Variants in PLCE1 observed in about 807,000 individuals in gnomAD.
PLCE1 encodes the protein phospholipase C epsilon 1, also known as 1-phosphatidylinositol 4,5-bisphosphate phosphodiesterase epsilon-1.
In PLCE1, 119 loss-of-function variants were observed where a neutral mutation model predicts 242.8. That is an observed-to-expected ratio of 0.49 (90% CI 0.42 to 0.57). The LOEUF is 0.57. Among genes scored for constraint, PLCE1 ranks in the 20% least tolerant of loss-of-function variants. PLCE1 has a pLI of 0.00. For missense variants in PLCE1, 2,441 were observed against 2,788.8 expected, an observed-to-expected ratio of 0.88 and a Z score of 2.81; for synonymous variants, 945 against 1,017.4, an observed-to-expected ratio of 0.93 and a Z score of 1.35.
intron 1 of PLCE1, among the ~76,000 whole-genome samples, chr10:94,022,545 A>G (rs967981823): frequency 6.6e-6 from 1 of 152,074 alleles, no homozygotes; most frequent in Non-Finnish European, 1.5e-5. Flanking sequence ...TAACTATATT[A>G]TAGAGTAGAA....
chr10:94,123,964 G>A (rs1408673247), intron 2 of PLCE1, among the ~76,000 whole-genome samples: 5 of 152,172 alleles, frequency 3.3e-5, no homozygotes, highest in Admixed American at 6.5e-5. Flanking sequence ...TCACTAATGC[G>A]AAATGGCAGC....
At chr10:94,189,755 T>G (rs1481809017) in intron 4 of PLCE1, among the ~76,000 whole-genome samples, 2 of 151,608 alleles carry the variant, frequency 1.3e-5, no homozygotes, top group East Asian at 3.9e-4. Context: ...GAGGGAGGGG[T>G]CAAGACTGAA....
intron 2 of PLCE1, among the ~76,000 whole-genome samples, chr10:94,045,885 G>A (rs529353391): frequency 1.3e-5 from 2 of 152,010 alleles, no homozygotes; most frequent in African/African-American, 4.8e-5. Flanking sequence ...TGGATCACAA[G>A]GTCAGGAGAT....
chr10:94,310,446 G>T (rs2053352217), intron 27 of PLCE1, among the ~76,000 whole-genome samples: 1 of 152,170 alleles, frequency 6.6e-6, no homozygotes, highest in Non-Finnish European at 1.5e-5. Flanking sequence ...AATTAAACCA[G>T]AGTCTCTGCA....
At chr10:94,182,376 C>G (rs918624868) in intron 4 of PLCE1, among the ~76,000 whole-genome samples, 1 of 151,946 alleles carries the variant, frequency 6.6e-6, no homozygotes, top group Non-Finnish European at 1.5e-5. Flanking sequence ...AAGCAATTCT[C>G]GTGCCTCAGC....
intron 24 of PLCE1, among the ~76,000 whole-genome samples, chr10:94,303,674 T>C (rs1373455546): frequency 6.6e-6 from 1 of 152,218 alleles, no homozygotes; most frequent in Non-Finnish European, 1.5e-5. Context: ...GAATTGTCCA[T>C]ACAATTGTCT....
intron 3 of PLCE1, among the ~76,000 whole-genome samples, chr10:94,147,439 A>T (rs1265150765): frequency 6.8e-6 from 1 of 146,790 alleles, no homozygotes; most frequent in Admixed American, 7.0e-5. Context: ...AGAAAGAGAG[A>T]GAAAGAGAGA....
At chr10:94,130,525 C>A (rs537798298) in intron 2 of PLCE1, among the ~76,000 whole-genome samples, 1 of 152,244 alleles carries the variant, frequency 6.6e-6, no homozygotes, top group East Asian at 1.9e-4. Flanking sequence ...ACATTCAAGT[C>A]AGCTTGTTCA....
chr10:94,066,222 T>C (rs771931560), intron 2 of PLCE1, among the ~76,000 whole-genome samples: 1 of 152,146 alleles, frequency 6.6e-6, no homozygotes, highest in Non-Finnish European at 1.5e-5. Flanking sequence ...CCCTCTGATA[T>C]TCTCTAACAA....
chr10:94,138,036 C>A, intron 3 of PLCE1: 2 of 376,348 alleles, frequency 5.3e-6, no homozygotes, highest in South Asian at 4.9e-5. Flanking sequence ...GAGGACTGTC[C>A]AGTATTTCAT....
chr10:94,000,861 C>A (rs749183797), intron 1 of PLCE1, among the ~76,000 whole-genome samples: 1 of 152,234 alleles, frequency 6.6e-6, no homozygotes, highest in African/African-American at 2.4e-5. Context: ...GAGGTTCCTT[C>A]TGCTTTCAGG....
intron 11 of PLCE1, among the ~76,000 whole-genome samples, chr10:94,258,239 A>G (rs1267813617): frequency 1.3e-5 from 2 of 152,196 alleles, no homozygotes; most frequent in Non-Finnish European, 2.9e-5. Flanking sequence ...TGCTGAGATT[A>G]TAAGCATGAG....
chr10:94,204,524 C>G (rs2049084406), intron 4 of PLCE1, among the ~76,000 whole-genome samples: 2 of 151,730 alleles, frequency 1.3e-5, no homozygotes, highest in South Asian at 4.2e-4. Flanking sequence ...AAAAATTAGC[C>G]AGGCGTGGTG....
At chr10:94,310,445 A>T (rs1465740170) in intron 27 of PLCE1, among the ~76,000 whole-genome samples, 1 of 152,158 alleles carries the variant, frequency 6.6e-6, no homozygotes, top group Admixed American at 6.5e-5. Flanking sequence ...CAATTAAACC[A>T]GAGTCTCTGC....
At chr10:94,184,938 A>G (rs76216836) in intron 4 of PLCE1, among the ~76,000 whole-genome samples, 2,288 of 152,316 alleles carry the variant, frequency 0.015, 65 homozygotes, top group African/African-American at 0.052. Context: ...TCTATATAGT[A>G]GATGTGTAAT....
At chr10:94,287,673 T>C (rs1170390538) in intron 22 of PLCE1, among the ~76,000 whole-genome samples, 1 of 151,976 alleles carries the variant, frequency 6.6e-6, no homozygotes, top group Non-Finnish European at 1.5e-5. Context: ...TCTCTTAGGG[T>C]TTATTTCTCG....
rs573887663 is a variant in PLCE1 at position 94,270,970 on chromosome 10, G to A, written c.4506+368G>A. Among the ~76,000 whole-genome samples, 103 of 152,072 alleles carry A rather than the reference G, an allele frequency of 6.8e-4. 1 individual carries two copies. Among genetic ancestry groups the A allele is most frequent in the African/African-American group, 2.1e-3 (89 of 41,504 alleles). On this transcript the variant is annotated intron_variant, in intron 18 of 32. Coordinates refer to ENST00000371380, the MANE Select transcript of PLCE1 (RefSeq NM_016341.4). ...TAGGCGTGAGACACTGCACCCAGCCGTCATTAGGTTTAAATGAGGCCTTTG... is the reference window on the plus strand; with the variant it reads ...TAGGCGTGAGACACTGCACCCAGCCATCATTAGGTTTAAATGAGGCCTTTG...
intron 27 of PLCE1, among the ~76,000 whole-genome samples, chr10:94,312,951 G>A (rs1314988727): frequency 6.8e-6 from 1 of 147,946 alleles, no homozygotes; most frequent in South Asian, 2.1e-4. Flanking sequence ...GAACTCAATA[G>A]ATACTATGGA....
chr10:94,142,135 T>G (rs1354382612), intron 3 of PLCE1, among the ~76,000 whole-genome samples: 1 of 152,156 alleles, frequency 6.6e-6, no homozygotes, highest in Non-Finnish European at 1.5e-5. Context: ...TTCAGGTGAT[T>G]GTACCTCTAG....
Sources: gnomAD v4.1 joint callset for allele counts (sites outside exome capture counted in the v4.1 genomes callset) on GRCh38, gnomAD v4.1.1 for gene constraint, MANE v1.5 for transcripts, NCBI Gene and HGNC (gene_info 2026-07-23, HGNC 2026-07-21) for gene names.